Variants in CCDC149 observed in about 807,000 individuals in gnomAD.
CCDC149 encodes the protein coiled-coil domain-containing protein 149.
In CCDC149, 45 loss-of-function variants were observed where a neutral mutation model predicts 59.9. That is an observed-to-expected ratio of 0.75 (90% CI 0.59 to 0.96). The LOEUF (loss-of-function observed/expected upper bound fraction) is 0.96, where lower values mean the gene tolerates loss of function less well. CCDC149 is among the 40% of genes least tolerant of loss of function. The pLI, the probability that CCDC149 is intolerant of heterozygous loss-of-function variation, is 0.00. For synonymous variants in CCDC149, 245 were observed against 260.6 expected, an observed-to-expected ratio of 0.94 and a Z score of 0.58; for missense variants, 584 against 664.7, an observed-to-expected ratio of 0.88 and a Z score of 1.33.
chr4:24,866,841 A>C (rs1718731939), intron 3 of CCDC149, among the ~76,000 whole-genome samples: 1 of 150,314 alleles, frequency 6.7e-6, no homozygotes, highest in African/African-American at 2.4e-5. Context: ...ACACACACAC[A>C]CACGTGCATA....
At chr4:24,839,000 ACTCTCTCTCT>A (rs36052894) in intron 4 of CCDC149, among the ~76,000 whole-genome samples, 27 of 128,816 alleles carry the variant, frequency 2.1e-4, no homozygotes, top group African/African-American at 7.4e-4. Flanking sequence ...TATACTAAGA[ACTCTCTCTCT>A]CTCTCTCTCT....
chr4:24,821,193 C>A, intron 10 of CCDC149, 106 bp from the exon 11 acceptor site: 1 of 489,708 alleles, frequency 2.0e-6, no homozygotes, highest in South Asian at 1.1e-4. Context: ...GGCATTTGTT[C>A]ACTCGAGTAA....
At chr4:24,874,848 A>C (rs1719309252) in intron 2 of CCDC149, among the ~76,000 whole-genome samples, 1 of 152,260 alleles carries the variant, frequency 6.6e-6, no homozygotes, top group Non-Finnish European at 1.5e-5. Flanking sequence ...AGCAGCAAGA[A>C]TGAAAACTAG....
intron 1 of CCDC149, among the ~76,000 whole-genome samples, chr4:24,921,495 C>T (rs1722294603): frequency 6.6e-6 from 1 of 152,240 alleles, no homozygotes; most frequent in Non-Finnish European, 1.5e-5. Context: ...CCTACAATGG[C>T]TTGCATTCCT....
chr4:24,838,970 C>T (rs1436973828), intron 4 of CCDC149, among the ~76,000 whole-genome samples: 2 of 149,692 alleles, frequency 1.3e-5, no homozygotes, highest in Admixed American at 1.3e-4. Flanking sequence ...ACTAACGTTT[C>T]TATGCAGTAT....
rs887961940 is a variant in CCDC149, at chr4:24,839,225, G to A, written c.373-953C>T. Among the ~76,000 whole-genome samples the A allele has an allele frequency of 8.6e-5, 13 of 151,834 alleles. 1 individual carries two copies. The South Asian group carries it at 1.7e-3, about 20-fold the overall frequency. ...GACGGAGTCTCGCTCTGTCGCCCAG[G>A]CTGGAGTGCAGTGGCACGATCTTGG... On this transcript the variant is annotated intron_variant, in intron 4 of 12. Coordinates refer to ENST00000635206, the MANE Select transcript of CCDC149 (RefSeq NM_001330643.2).
chr4:24,815,291 C>T (rs895193849), intron 12 of CCDC149, among the ~76,000 whole-genome samples: 1 of 152,176 alleles, frequency 6.6e-6, no homozygotes, highest in Non-Finnish European at 1.5e-5. Flanking sequence ...AGATTTCTGA[C>T]TTGCACAAAC....
At chr4:24,867,830 A>G (rs1212335054) in intron 3 of CCDC149, among the ~76,000 whole-genome samples, 1 of 152,236 alleles carries the variant, frequency 6.6e-6, no homozygotes, top group Non-Finnish European at 1.5e-5. Context: ...ACAGGAGAAG[A>G]GCCCAGTAAG....
intron 9 of CCDC149, chr4:24,829,479 G>C (rs1205682013): frequency 6.6e-6 from 1 of 152,114 alleles, no homozygotes; most frequent in African/African-American, 2.4e-5. Context: ...GTGGGAAAAG[G>C]AAATGAGACA....
At chr4:24,975,230 C>CTA (rs1312907616) in intron 1 of CCDC149, among the ~76,000 whole-genome samples, 1 of 151,106 alleles carries the variant, frequency 6.6e-6, no homozygotes, top group Non-Finnish European at 1.5e-5. Flanking sequence ...GATAACTATT[C>CTA]TGTTATAGCA....
chr4:24,972,302 C>CTT (rs1026115015), intron 1 of CCDC149, among the ~76,000 whole-genome samples: 2 of 150,748 alleles, frequency 1.3e-5, no homozygotes, highest in Non-Finnish European at 2.9e-5. Flanking sequence ...CTTTTCTTTT[C>CTT]TTTTCTTTTC....
At chr4:24,872,062 G>C (rs993013210) in intron 3 of CCDC149, among the ~76,000 whole-genome samples, 1 of 152,220 alleles carries the variant, frequency 6.6e-6, no homozygotes, top group African/African-American at 2.4e-5. Context: ...GAAGAGCAAA[G>C]TGAAGAAGGT....
In CCDC149 at chr4:24,871,042, C is replaced by CAAAA. The variant is rs35580363; in HGVS notation, c.264+2635_264+2638dup. 1.7e-3 allele frequency among the ~76,000 whole-genome samples: 130 copies of CAAAA among 77,920 alleles called. 1 individual carries two copies. Among genetic ancestry groups the CAAAA allele is most frequent in the African/African-American group, 3.6e-3 (81 of 22,272 alleles). The allele number at this position is 77,920 out of a possible 152,430, so 51.1% of individuals were successfully genotyped here. On this transcript the variant is annotated intron_variant, in intron 3 of 12. Coordinates refer to ENST00000635206, the MANE Select transcript of CCDC149 (RefSeq NM_001330643.2). ...CCTGAGGGACAGAGTGAGACTCCCT[C>CAAAA]AAAAAAAAAAAAAAAAAAGATAAAT...
At chr4:24,969,867 C>G (rs1480137836) in intron 1 of CCDC149, among the ~76,000 whole-genome samples, 1 of 152,226 alleles carries the variant, frequency 6.6e-6, no homozygotes, top group African/African-American at 2.4e-5. Context: ...GGAGGGCCTA[C>G]AGTGTGACTT....
chr4:24,918,781 G>A (rs1283329045), intron 1 of CCDC149, among the ~76,000 whole-genome samples: 1 of 152,214 alleles, frequency 6.6e-6, no homozygotes, highest in Non-Finnish European at 1.5e-5. Context: ...TTGATCTGCA[G>A]CTCACAGCCA....
chr4:24,821,715 G>C (rs1047915937), intron 10 of CCDC149, among the ~76,000 whole-genome samples: 13 of 152,220 alleles, frequency 8.5e-5, no homozygotes, highest in Non-Finnish European at 1.6e-4. Flanking sequence ...TGGTTTCCAG[G>C]GAAAGGGGAG....
chr4:24,892,599 A>T (rs1269069541), intron 1 of CCDC149, among the ~76,000 whole-genome samples: 4 of 152,208 alleles, frequency 2.6e-5, no homozygotes, highest in African/African-American at 7.2e-5. Context: ...GATGGCAGGC[A>T]CTGTTCTGGG....
At chr4:24,928,938 C>T (rs1722507284) in intron 1 of CCDC149, among the ~76,000 whole-genome samples, 1 of 152,166 alleles carries the variant, frequency 6.6e-6, no homozygotes, top group Admixed American at 6.5e-5. Context: ...CTGAAATGAT[C>T]TTGCATTATT....
chr4:24,857,813 C>T lies in CCDC149; in HGVS notation c.265-4634G>A, dbSNP rs145262967. Among the ~76,000 whole-genome samples the T allele has an allele frequency of 2.7e-3, 404 of 152,262 alleles. 2 individuals carry two copies. The highest frequency in any genetic ancestry group is 9.4e-3 in the African/African-American group (391 of 41,540). ...AAATCTACCCCAGCTTTAAACTTGG[C>T]CCCTGGAGTACAGTGGGGTGGGGGT... On this transcript the variant is annotated intron_variant, in intron 3 of 12. Transcript: ENST00000635206.
Sources: allele counts gnomAD v4.1 joint callset (sites outside exome capture counted in the v4.1 genomes callset), GRCh38; gene constraint gnomAD v4.1.1; transcripts MANE v1.5; gene names NCBI Gene and HGNC (gene_info 2026-07-23, HGNC 2026-07-21).